The following CLUAP1 variants were observed in gnomAD, a reference collection of about 807,000 sequenced individuals.
The protein encoded by CLUAP1 is clusterin-associated protein 1.
Under a neutral mutation model 55.0 loss-of-function variants are expected in CLUAP1, and 50 were observed. The observed-to-expected ratio is 0.91, with a 90% CI of 0.72 to 1.15. CLUAP1 has a LOEUF of 1.15. CLUAP1 is among the 50% of genes most tolerant of loss of function. The pLI, the probability that CLUAP1 is intolerant of heterozygous loss-of-function variation, is 0.00. For missense variants in CLUAP1, 530 were observed against 507.6 expected (o/e 1.04, Z -0.42); for synonymous variants, 195 against 175.4 (o/e 1.11, Z -0.88).
intron 6 of CLUAP1, among the ~76,000 whole-genome samples, chr16:3,519,482 G>A (rs2037792429): frequency 1.3e-5 from 2 of 152,190 alleles, no homozygotes; most frequent in African/African-American, 4.8e-5. Context: ...GCAGTACTTG[G>A]TGTGTGTGGG....
At chr16:3,532,961 C>T in intron 11 of CLUAP1, 120 bp downstream of exon 11, 1 of 1,377,740 alleles carries the variant, frequency 7.3e-7, no homozygotes, top group Non-Finnish European at 1.0e-6. Context: ...CCGGCCGTGC[C>T]TCGATGCGTG....
intron 9 of CLUAP1, among the ~76,000 whole-genome samples, chr16:3,530,107 CGA>C (rs1555495797): frequency 6.6e-6 from 1 of 150,764 alleles, no homozygotes; most frequent in Non-Finnish European, 1.5e-5. Context: ...AAAGAGAGGG[CGA>C]GAGAGAGCAA....
At chr16:3,515,674 A>G (rs922553586) in intron 6 of CLUAP1, 83 bp downstream of exon 6, 2 of 897,382 alleles carry the variant, frequency 2.2e-6, no homozygotes, top group African/African-American at 3.5e-5. Flanking sequence ...AGACAGAACA[A>G]GCTAGGCTTA....
chr16:3,537,553 C>T lies in CLUAP1; in HGVS notation c.*1282C>T, dbSNP rs1323853660. 6.6e-6 allele frequency: 1 copy of T among 152,020 alleles called. No individual in the cohort carries two copies. Among genetic ancestry groups the T allele is most frequent in the Non-Finnish European group, 1.5e-5 (1 of 68,078 alleles). 9.4% of individuals were successfully genotyped at this position (152,020 alleles called of 1,614,324 possible). A position where few individuals can be genotyped will look rare whatever the true frequency, so the allele number is the denominator to read the frequency against. On this transcript the variant is annotated 3_prime_UTR_variant, in exon 12 of 12. Coordinates refer to ENST00000576634, the MANE Select transcript of CLUAP1 (RefSeq NM_015041.3). Reference sequence around the variant, plus strand: ...GTGTGGAGGGGCATGCCTGTGGTCTCAGCTATTCAGGAGGCTGAGGCAGGA... The same window carrying T: ...GTGTGGAGGGGCATGCCTGTGGTCTTAGCTATTCAGGAGGCTGAGGCAGGA...
intron 3 of CLUAP1, among the ~76,000 whole-genome samples, chr16:3,507,680 T>TGTGTGTG (rs2037535186): frequency 6.3e-5 from 9 of 142,988 alleles, no homozygotes; most frequent in Non-Finnish European, 1.2e-4. Flanking sequence ...CTTCCAGAGT[T>TGTGTGTG]TGTGTGTGTG....
At chr16:3,504,012 A>C (rs754934148) in intron 1 of CLUAP1, among the ~76,000 whole-genome samples, 14 of 152,206 alleles carry the variant, frequency 9.2e-5, no homozygotes, top group Non-Finnish European at 1.9e-4. Context: ...GGAACTCAAC[A>C]AATGTTTGTG....
intron 1 of CLUAP1, chr16:3,502,158 T>TA (rs1358745563): frequency 6.6e-6 from 1 of 152,184 alleles, no homozygotes; most frequent in Non-Finnish European, 1.5e-5. Flanking sequence ...GAGTGTTGGT[T>TA]ACGGCTGGGC....
upstream of CLUAP1, among the ~76,000 whole-genome samples, chr16:3,499,574 ATCT>A (rs1405154302): frequency 1.3e-5 from 2 of 152,366 alleles, no homozygotes; most frequent in Non-Finnish European, 2.9e-5. Flanking sequence ...CCATCCATAT[ATCT>A]TCTTTTGTGA....
At chr16:3,508,242 T>G (rs757821242) in intron 3 of CLUAP1, 47 bp from the exon 4 acceptor site, 1 of 1,540,332 alleles carries the variant, frequency 6.5e-7, no homozygotes, top group Non-Finnish European at 8.8e-7. Context: ...GTTTAGACAT[T>G]ACATGGAAAG....
chr16:3,533,916 A>G (rs118185739), intron 11 of CLUAP1: 5,895 of 152,246 alleles, frequency 0.039, 151 homozygotes, highest in Admixed American at 0.063. Flanking sequence ...CCTCTTCTCC[A>G]GGGTTTGCCT....
chr16:3,533,211 C>T (rs2038163901), intron 11 of CLUAP1: 3 of 1,392,898 alleles, frequency 2.2e-6, no homozygotes, highest in Non-Finnish European at 3.0e-6. Flanking sequence ...CCTCCCGGGG[C>T]CAGCCAGGGG....
chr16:3,517,523 G>T (rs1420458708), intron 6 of CLUAP1, among the ~76,000 whole-genome samples: 1 of 151,844 alleles, frequency 6.6e-6, no homozygotes, highest in Admixed American at 6.6e-5. Flanking sequence ...GTTTGGCCAG[G>T]CTTGTCTCAA....
chr16:3,501,234 C>T (rs941605804), intron 1 of CLUAP1, 145 bp downstream of exon 1: 5 of 814,068 alleles, frequency 6.1e-6, no homozygotes, highest in Non-Finnish European at 9.6e-6. Context: ...ACCGCCTGAC[C>T]CGCGGCTGCA....
chr16:3,518,145 T>A (rs2037764667), intron 6 of CLUAP1, among the ~76,000 whole-genome samples: 3 of 152,214 alleles, frequency 2.0e-5, no homozygotes, highest in Admixed American at 6.5e-5. Context: ...TACTGTCACC[T>A]AGGTTGGGAA....
rs145652042 is a variant in CLUAP1 at position 3,528,934 on chromosome 16, A to C, written c.929-1634A>C. 7.0e-3 allele frequency among the ~76,000 whole-genome samples: 1,066 copies of C among 152,260 alleles called. 16 individuals carry two copies. The highest frequency in any genetic ancestry group is 0.024 in the African/African-American group (1,016 of 41,546). On this transcript the variant is annotated intron_variant, in intron 9 of 11. Coordinates refer to ENST00000576634, the MANE Select transcript of CLUAP1 (RefSeq NM_015041.3). ...CTCAGTGGTTTCAGTGTCAGCATGC[A>C]TTAATGTCTTAGTCTGTTTTGTGCT...
At chr16:3,527,443 C>T (rs1412277440) in intron 9 of CLUAP1, among the ~76,000 whole-genome samples, 3 of 152,218 alleles carry the variant, frequency 2.0e-5, no homozygotes, top group East Asian at 1.9e-4. Context: ...GGAACACCAG[C>T]GTCTGGGAAG....
At chr16:3,527,339 G>C (rs940599618) in intron 9 of CLUAP1, among the ~76,000 whole-genome samples, 2 of 152,098 alleles carry the variant, frequency 1.3e-5, no homozygotes, top group African/African-American at 4.8e-5. Flanking sequence ...AGATATAGGA[G>C]CTGAGGGGAC....
At chr16:3,505,259 A>T (rs2151041649) in intron 2 of CLUAP1, among the ~76,000 whole-genome samples, 1 of 152,294 alleles carries the variant, frequency 6.6e-6, no homozygotes, top group East Asian at 1.9e-4. Flanking sequence ...GGCCGGGCGC[A>T]GTGGCTCACG....
intron 1 of CLUAP1, among the ~76,000 whole-genome samples, chr16:3,501,789 C>CAA (rs113665759): frequency 6.9e-6 from 1 of 145,752 alleles, no homozygotes; most frequent in East Asian, 2.0e-4. Flanking sequence ...AAAAACAAAC[C>CAA]AAAAAAAAAA....
Sources: allele counts gnomAD v4.1 joint callset (sites outside exome capture counted in the v4.1 genomes callset), GRCh38; gene constraint gnomAD v4.1.1; transcripts MANE v1.5; gene names NCBI Gene and HGNC (gene_info 2026-07-23, HGNC 2026-07-21).